The following PITPNM2 variants were observed in gnomAD, a reference collection of about 807,000 sequenced individuals.
PITPNM2 encodes phosphatidylinositol transfer protein membrane associated 2, also known as membrane-associated phosphatidylinositol transfer protein 2.
Under a neutral mutation model 132.2 loss-of-function variants are expected in PITPNM2, and 35 were observed. That is an observed-to-expected ratio of 0.26 (90% confidence interval 0.20 to 0.35). The LOEUF (loss-of-function observed/expected upper bound fraction) is 0.35, where lower values mean the gene tolerates loss of function less well. PITPNM2 is among the 10% of genes least tolerant of loss of function. The pLI is 1.00. For synonymous variants in PITPNM2, 738 were observed against 799.2 expected (o/e 0.92, Z 1.29); for missense variants, 1,332 against 1,912.0 (o/e 0.70, Z 5.66).
At position 123,008,882 on chromosome 12, in the gene PITPNM2, G is replaced by A. The variant is rs1264615169; in HGVS notation, c.643+968C>T. ...CGGGTACACATCCACCCTTCCCTTG[G>A]GGTCACAGCCCCAACACTGAACATG... On this transcript the variant is annotated intron_variant, in intron 6 of 25. Coordinates refer to ENST00000320201, the MANE Select transcript of PITPNM2 (RefSeq NM_020845.3). The surrounding 1 kb of genome is among the most constrained non-coding windows in gnomAD (Gnocchi z 4.1). Among the ~76,000 whole-genome samples, 1 of 152,140 alleles carries A rather than the reference G, an allele frequency of 6.6e-6. No homozygotes were observed. Among genetic ancestry groups the A allele is most frequent in the African/African-American group, 2.4e-5 (1 of 41,424 alleles).
At chr12:123,013,139 G>A (rs2039279347) in intron 4 of PITPNM2, among the ~76,000 whole-genome samples, 1 of 152,204 alleles carries the variant, frequency 6.6e-6, no homozygotes, top group South Asian at 2.1e-4. Context: ...TCTCTAGGCT[G>A]GAGATGAGCT....
chr12:122,990,225 C>T (rs775073755), intron 17 of PITPNM2, among the ~76,000 whole-genome samples: 1 of 152,270 alleles, frequency 6.6e-6, no homozygotes, highest in Admixed American at 6.5e-5. Flanking sequence ...GTGCTTCAAG[C>T]ACCAAGAGGC....
At chr12:123,062,089 T>A (rs1466566997) in intron 2 of PITPNM2, among the ~76,000 whole-genome samples, 3 of 152,190 alleles carry the variant, frequency 2.0e-5, no homozygotes, top group African/African-American at 7.2e-5. Context: ...TGCATCTGTC[T>A]GCTCCCCTCC....
At chr12:123,041,942 C>T (rs927845142) in intron 2 of PITPNM2, among the ~76,000 whole-genome samples, 3 of 152,106 alleles carry the variant, frequency 2.0e-5, no homozygotes, top group East Asian at 3.9e-4. Context: ...CTAGAAAGAA[C>T]CCCCAGCCCC....
intron 1 of PITPNM2, among the ~76,000 whole-genome samples, chr12:123,123,115 T>C (rs2043063703): frequency 6.6e-6 from 1 of 152,246 alleles, no homozygotes; most frequent in Non-Finnish European, 1.5e-5. Context: ...TCCCATCTTC[T>C]GCTCTTACAA....
chr12:123,115,405 T>A (rs2042917168), intron 1 of PITPNM2, among the ~76,000 whole-genome samples: 2 of 152,112 alleles, frequency 1.3e-5, no homozygotes, highest in Admixed American at 1.3e-4. Context: ...GATTTTTCTC[T>A]CTGCTGGCAA....
chr12:123,114,129 T>C (rs2042891911), intron 1 of PITPNM2, among the ~76,000 whole-genome samples: 3 of 152,206 alleles, frequency 2.0e-5, no homozygotes, highest in Admixed American at 1.3e-4. Context: ...CTTTTGGCTA[T>C]TGTGAATAAA....
chr12:123,110,023 C>A (rs988037173), intron 2 of PITPNM2, among the ~76,000 whole-genome samples: 1 of 152,166 alleles, frequency 6.6e-6, no homozygotes. Flanking sequence ...AGTAGTGCGA[C>A]CATGGCTTAC....
chr12:123,128,264 CAAAAAAAAAAAAAAAAAAAAAAA>C (rs1170397011), intron 1 of PITPNM2, among the ~76,000 whole-genome samples: 12 of 22,752 alleles, frequency 5.3e-4, no homozygotes, highest in South Asian at 2.3e-3. Flanking sequence ...CCCATCTCTA[CAAAAAAAAAAAAAAAAAAAAAAA>C]AAAAAAAAAA....
chr12:123,125,339 G>T (rs2043115207), intron 1 of PITPNM2, among the ~76,000 whole-genome samples: 1 of 152,170 alleles, frequency 6.6e-6, no homozygotes, highest in African/African-American at 2.4e-5. Context: ...AGAGAAGGAA[G>T]AAGTTAGGTA....
At chr12:123,103,448 G>A (rs1456676058) in intron 2 of PITPNM2, among the ~76,000 whole-genome samples, 1 of 152,212 alleles carries the variant, frequency 6.6e-6, no homozygotes, top group Non-Finnish European at 1.5e-5. Flanking sequence ...GCCCAGCTAA[G>A]GTGAAAATGC....
In PITPNM2 at chr12:122,986,631, C is replaced by T. The variant is rs748077278; in HGVS notation, c.3597+15G>A. The T allele has an allele frequency of 1.9e-5, 30 of 1,608,918 alleles. 1 individual carries two copies. In the South Asian group the frequency reaches 3.2e-4, roughly 17 times the overall value. ...TGCCCCCACCCCTGCCCTGCCCCAT[C>T]CTCCCGGGCCCCACCTCGGAGATGA... On this transcript the variant is annotated intron_variant, in intron 24 of 25. Coordinates refer to ENST00000320201, the MANE Select transcript of PITPNM2 (RefSeq NM_020845.3).
At chr12:123,046,919 A>C (rs2040679681) in intron 2 of PITPNM2, among the ~76,000 whole-genome samples, 1 of 152,220 alleles carries the variant, frequency 6.6e-6, no homozygotes, top group Non-Finnish European at 1.5e-5. Flanking sequence ...TACAGCCAGG[A>C]TAGTAAATAG....
rs565780577 is a variant in PITPNM2, at chr12:123,083,239, G to A, written c.-96+27146C>T. ...ACTCTCTGTCTCTCCTACTAGAATG[G>A]AGTCTCTACGAGGGCAGGGATGTTG... On this transcript the variant is annotated intron_variant, in intron 2 of 25. Coordinates refer to ENST00000320201, the MANE Select transcript of PITPNM2 (RefSeq NM_020845.3). The surrounding 1 kb of genome is among the most constrained non-coding windows in gnomAD (Gnocchi z 4.5). 82 of 152,346 alleles carry A rather than the reference G, an allele frequency of 5.4e-4. No homozygotes were observed. Among genetic ancestry groups the A allele is most frequent in the African/African-American group, 1.5e-3 (63 of 41,568 alleles). The allele number at this position is 152,346 out of a possible 1,614,324, so 9.4% of individuals were successfully genotyped here. A position where few individuals can be genotyped will look rare whatever the true frequency, so the allele number is the denominator to read the frequency against.
At chr12:122,998,722 C>T (rs1438292619) in intron 10 of PITPNM2, among the ~76,000 whole-genome samples, 1 of 151,596 alleles carries the variant, frequency 6.6e-6, no homozygotes, top group Non-Finnish European at 1.5e-5. Flanking sequence ...GACAGCTGGC[C>T]CTGAACTGGC....
At chr12:123,128,909 C>A (rs891809399) in intron 1 of PITPNM2, among the ~76,000 whole-genome samples, 2 of 151,654 alleles carry the variant, frequency 1.3e-5, no homozygotes, top group South Asian at 4.2e-4. Flanking sequence ...GCCAAGAGGG[C>A]GTATCACCTG....
In PITPNM2 at chr12:123,036,153, G is replaced by C. The variant is rs377274649; in HGVS notation, c.-95-1468C>G. Among the ~76,000 whole-genome samples the C allele has an allele frequency of 4.6e-5, 7 of 152,226 alleles. No homozygotes were observed. Among genetic ancestry groups the C allele is most frequent in the Non-Finnish European group, 8.8e-5 (6 of 68,042 alleles). ...CAGTCAGGCAACTTCCCCAGGGCAC[G>C]GCTCTCTATCGGGCATTGGAGTATC... On this transcript the variant is annotated intron_variant, in intron 2 of 25. Transcript: ENST00000320201. This position sits in a 1 kb window ranked among gnomAD's most constrained non-coding sequence, Gnocchi z 4.1.
At chr12:123,098,248 G>T (rs1410430184) in intron 2 of PITPNM2, among the ~76,000 whole-genome samples, 2 of 152,166 alleles carry the variant, frequency 1.3e-5, no homozygotes, top group African/African-American at 2.4e-5. Flanking sequence ...ACAAGGATTT[G>T]GGTCCTAAAG....
At chr12:123,001,872 A>C (rs1399010791) in intron 8 of PITPNM2, among the ~76,000 whole-genome samples, 1 of 151,964 alleles carries the variant, frequency 6.6e-6, no homozygotes, top group Non-Finnish European at 1.5e-5. Context: ...CTCTACTAAA[A>C]ATACAAAAAT....
Sources: allele counts gnomAD v4.1 joint callset (sites outside exome capture counted in the v4.1 genomes callset), GRCh38; gene constraint gnomAD v4.1.1; non-coding constraint Gnocchi (gnomAD v3.1); transcripts MANE v1.5; gene names NCBI Gene and HGNC (gene_info 2026-07-23, HGNC 2026-07-21).